The following VPS8 variants were observed in gnomAD, a reference collection of about 807,000 sequenced individuals.
VPS8 encodes vacuolar protein sorting-associated protein 8 homolog.
VPS8 carries 129 observed loss-of-function variants against 216.4 expected under a neutral mutation model. The ratio of observed to expected loss-of-function variants is 0.60; its 90% CI spans 0.52 to 0.69. The LOEUF (loss-of-function observed/expected upper bound fraction) is 0.69, where lower values mean the gene tolerates loss of function less well. VPS8 is among the 30% of genes least tolerant of loss of function. The probability of loss-of-function intolerance (pLI) is 0.00; values close to 1 mark genes in which losing one functional copy is unlikely to be tolerated. For missense variants in VPS8, 1,531 were observed against 1,683.5 expected (o/e 0.91, Z 1.59); for synonymous variants, 571 against 565.4 (o/e 1.01, Z -0.14).
Position 184,915,372 on chromosome 3 carries a change from T to A in VPS8, c.2280T>A (p.Ile760=), listed in dbSNP as rs1737366542. The part of the protein sequence containing the change: ...LVKNQVFEFL[I]RLHSAEASPE... ...ACTTGCAGGTTTTTGAATTTCTAATTCGCCTGCATTCAGCAGAGGCTTCTC... is the reference window on the plus strand; with the variant it reads ...ACTTGCAGGTTTTTGAATTTCTAATACGCCTGCATTCAGCAGAGGCTTCTC... Residue 760 remains isoleucine (I), a synonymous_variant, in exon 28 of 48, where the codon ATT becomes ATA. Coordinates refer to ENST00000625842, the MANE Select transcript of VPS8 (RefSeq NM_001009921.3). 1.9e-6 allele frequency: 3 copies of A among 1,612,102 alleles called. No homozygotes were observed. Among genetic ancestry groups the A allele is most frequent in the African/African-American group, 2.7e-5 (2 of 74,794 alleles).
chr3:185,045,082 G>C (rs1216602465), intron 46 of VPS8, among the ~76,000 whole-genome samples: 5 of 87,934 alleles, frequency 5.7e-5, no homozygotes, highest in Non-Finnish European at 1.2e-4. Flanking sequence ...GGAAAGATTT[G>C]AAAGTGAGGT....
chr3:184,834,444 A>G (rs936974573), intron 4 of VPS8, among the ~76,000 whole-genome samples: 1 of 152,162 alleles, frequency 6.6e-6, no homozygotes, highest in Non-Finnish European at 1.5e-5. Flanking sequence ...GCACATGTAT[A>G]CATATGTAAC....
chr3:184,823,297 G>A (rs1351930506), intron 1 of VPS8, among the ~76,000 whole-genome samples: 1 of 152,212 alleles, frequency 6.6e-6, no homozygotes, highest in African/African-American at 2.4e-5. Context: ...AGGATGGCTT[G>A]AGCCCAAGAG....
chr3:184,987,649 T>C (rs1305392563), intron 42 of VPS8, among the ~76,000 whole-genome samples: 5 of 152,346 alleles, frequency 3.3e-5, no homozygotes, highest in Non-Finnish European at 5.9e-5. Flanking sequence ...AACATCTTGG[T>C]TGCCTTCCAG....
At chr3:184,912,143 GC>G (rs1736657277) in intron 25 of VPS8, among the ~76,000 whole-genome samples, 1 of 152,110 alleles carries the variant, frequency 6.6e-6, no homozygotes, top group Non-Finnish European at 1.5e-5. Context: ...TAAAAGTTAA[GC>G]CCCTTCCTCG....
chr3:184,925,772 A>ATT lies in VPS8; in HGVS notation c.2575-804_2575-803dup, dbSNP rs769693262. Among the ~76,000 whole-genome samples the ATT allele has an allele frequency of 6.6e-4, 80 of 121,514 alleles. 1 individual carries two copies. Among genetic ancestry groups the ATT allele is most frequent in the African/African-American group, 1.7e-3 (55 of 32,080 alleles). The allele number at this position is 121,514 out of a possible 152,430, so 79.7% of individuals were successfully genotyped here. On this transcript the variant is annotated intron_variant, in intron 30 of 47. Coordinates refer to ENST00000625842, the MANE Select transcript of VPS8 (RefSeq NM_001009921.3). Reference sequence around the variant, plus strand: ...ATAGTTATGTTTCTTTTCTCTCTCTATTTTTTTTTTTTTTTTTTTGAGACA... The same window carrying ATT: ...ATAGTTATGTTTCTTTTCTCTCTCTATTTTTTTTTTTTTTTTTTTTTGAGACA...
At chr3:184,869,681 G>A (rs1727989884) in intron 20 of VPS8, among the ~76,000 whole-genome samples, 153 bp downstream of exon 20, 2 of 152,062 alleles carry the variant, frequency 1.3e-5, no homozygotes, top group South Asian at 4.1e-4. Context: ...TTGGGGTCAG[G>A]GGTTCAAGAC....
intron 45 of VPS8, among the ~76,000 whole-genome samples, chr3:185,004,094 CTGCAA>C (rs1753859855): frequency 6.6e-6 from 1 of 152,210 alleles, no homozygotes; most frequent in Non-Finnish European, 1.5e-5. Flanking sequence ...CAGGCAGAGG[CTGCAA>C]TCTCGGCACC....
chr3:185,048,925 A>G (rs1455992245), intron 47 of VPS8, among the ~76,000 whole-genome samples: 1 of 152,196 alleles, frequency 6.6e-6, no homozygotes, highest in Non-Finnish European at 1.5e-5. Context: ...GGGCATCTGC[A>G]CTGGTTGAAT....
chr3:184,932,826 TTATAAG>T (rs1740916092), intron 34 of VPS8, among the ~76,000 whole-genome samples: 1 of 152,254 alleles, frequency 6.6e-6, no homozygotes. Context: ...GTATTACATT[TTATAAG>T]TATATCACAG....
chr3:184,946,820 G>A (rs1282457690), intron 36 of VPS8, among the ~76,000 whole-genome samples: 1 of 152,030 alleles, frequency 6.6e-6, no homozygotes, highest in Non-Finnish European at 1.5e-5. Context: ...TAGCTGTAAA[G>A]TCATTTTAGG....
At chr3:184,882,352 A>G (rs375757998) in intron 21 of VPS8, 6 of 452,858 alleles carry the variant, frequency 1.3e-5, no homozygotes, top group South Asian at 7.8e-5. Context: ...TCTTTAGGCT[A>G]TTGGCATGGC....
chr3:184,977,655 ATTC>A (rs1454927048), intron 40 of VPS8, among the ~76,000 whole-genome samples: 4 of 151,036 alleles, frequency 2.6e-5, no homozygotes, highest in African/African-American at 9.7e-5. Context: ...CCCTAGTTTC[ATTC>A]TTCTGCATAT....
At chr3:184,867,089 G>C in intron 17 of VPS8, 139 bp downstream of exon 17, 2 of 674,812 alleles carry the variant, frequency 3.0e-6, no homozygotes, top group Non-Finnish European at 4.7e-6. Flanking sequence ...TGGTTAGGTA[G>C]GCATGATTTT....
At chr3:185,009,328 C>T (rs1468518591) in intron 45 of VPS8, among the ~76,000 whole-genome samples, 2 of 73,610 alleles carry the variant, frequency 2.7e-5, no homozygotes, top group Non-Finnish European at 8.2e-5. Flanking sequence ...CAAGCTAAAT[C>T]AACTATACAA....
rs372735954 is a variant in VPS8 at position 184,824,690 on chromosome 3, G to A, written c.58G>A (p.Glu20Lys). 7.1e-5 allele frequency: 115 copies of A among 1,613,926 alleles called. No individual in the cohort carries two copies. The highest frequency in any genetic ancestry group is 2.2e-4 in the Admixed American group (13 of 60,008). The part of the protein sequence containing the change: ...VEQSLCAKTS[E>K]EELNKSFNLE... Reference sequence around the variant, plus strand: ...ACAGAGCCTCTGTGCCAAGACGAGCGAAGAAGAGCTGAATAAGTCTTTCAA... The same window carrying A: ...ACAGAGCCTCTGTGCCAAGACGAGCAAAGAAGAGCTGAATAAGTCTTTCAA... Residue 20 changes from glutamate (E) to lysine (K), a missense_variant, in exon 2 of 48, where the codon GAA (glutamate) becomes AAA (lysine). By Grantham distance (56) the Glu-to-Lys change is moderately conservative (BLOSUM62 1). Around this residue, in one of 3 missense-constraint regions of VPS8, gnomAD observed 199 missense variants for 182.2 expected, o/e 1.09. Coordinates refer to ENST00000625842, the MANE Select transcript of VPS8 (RefSeq NM_001009921.3).
intron 40 of VPS8, among the ~76,000 whole-genome samples, chr3:184,980,541 G>T (rs574123801): frequency 3.3e-5 from 5 of 151,482 alleles, no homozygotes; most frequent in Middle Eastern, 3.4e-3. Flanking sequence ...TGAAGAACTG[G>T]TCTTCATTTT....
intron 25 of VPS8, among the ~76,000 whole-genome samples, chr3:184,901,639 C>T (rs1734506812): frequency 6.6e-6 from 1 of 151,696 alleles, no homozygotes; most frequent in Non-Finnish European, 1.5e-5. Flanking sequence ...AAATAAAGTA[C>T]AATATCACTA....
chr3:184,993,929 T>C (rs1236021164), intron 42 of VPS8, 54 bp from the exon 43 acceptor site: 10 of 1,370,248 alleles, frequency 7.3e-6, no homozygotes, highest in Non-Finnish European at 9.9e-6. Context: ...ACTTACATTT[T>C]AAAGTAATTT....
Sources: allele counts gnomAD v4.1 joint callset (sites outside exome capture counted in the v4.1 genomes callset), GRCh38; gene constraint gnomAD v4.1.1; regional missense constraint gnomAD v4.1.1; transcripts MANE v1.5; gene names NCBI Gene and HGNC (gene_info 2026-07-23, HGNC 2026-07-21).